Variants in IQANK1 observed in about 807,000 individuals in gnomAD.
IQANK1 encodes IQ motif and ankyrin repeat domain-containing protein 1.
In IQANK1, 30 loss-of-function variants were observed where a neutral mutation model predicts 22.6. The ratio of observed to expected loss-of-function variants is 1.33; its 90% CI spans 0.99 to 1.80. The LOEUF (loss-of-function observed/expected upper bound fraction) is 1.80, where lower values mean the gene tolerates loss of function less well. Ranked by LOEUF, IQANK1 falls within the 40% of genes most tolerant of loss-of-function variation. The pLI, the probability that IQANK1 is intolerant of heterozygous loss-of-function variation, is 0.00. For synonymous variants in IQANK1, 122 were observed against 99.6 expected, an observed-to-expected ratio of 1.23 and a Z score of -1.34; for missense variants, 275 against 235.2, an observed-to-expected ratio of 1.17 and a Z score of -1.11.
At chr8:143,766,413 G>A (rs1270843855) in intron 3 of IQANK1, among the ~76,000 whole-genome samples, 7 of 152,178 alleles carry the variant, frequency 4.6e-5, no homozygotes, top group African/African-American at 1.7e-4. Flanking sequence ...GCTCATGCCT[G>A]TAATCTCAGC....
chr8:143,786,335 C>T (rs565716647), intron 7 of IQANK1, among the ~76,000 whole-genome samples: 23 of 152,312 alleles, frequency 1.5e-4, no homozygotes, highest in South Asian at 1.4e-3. Flanking sequence ...CAACCTCACT[C>T]GGAGGCTACT....
intron 7 of IQANK1, among the ~76,000 whole-genome samples, chr8:143,775,250 A>G (rs1447114489): frequency 9.9e-5 from 15 of 152,102 alleles, no homozygotes; most frequent in Non-Finnish European, 1.5e-5. Context: ...TGTTAAGGGT[A>G]TATGGGAACT....
chr8:143,738,250 G>A (rs1313619608), intron 2 of IQANK1, among the ~76,000 whole-genome samples: 3 of 152,148 alleles, frequency 2.0e-5, no homozygotes, highest in African/African-American at 7.2e-5. Context: ...TGGATCCAGC[G>A]CCTCCTTCAC....
chr8:143,768,188 T>C (rs1554629393), intron 3 of IQANK1, among the ~76,000 whole-genome samples: 2 of 151,780 alleles, frequency 1.3e-5, no homozygotes, highest in East Asian at 3.9e-4. Flanking sequence ...CGGCTGAGGC[T>C]CTGTTTCTAA....
At chr8:143,761,652 C>T (rs548506773) in intron 3 of IQANK1, among the ~76,000 whole-genome samples, 3 of 152,228 alleles carry the variant, frequency 2.0e-5, no homozygotes, top group South Asian at 2.1e-4. Context: ...GTGCCAGCTA[C>T]TCCGGAGGCT....
At chr8:143,745,816 T>C (rs1554627151) in intron 3 of IQANK1, 3 of 152,184 alleles carry the variant, frequency 2.0e-5, no homozygotes, top group African/African-American at 7.2e-5. Context: ...AGTGCAGCGA[T>C]CATGGCTCAG....
chr8:143,751,483 G>A (rs1819186690), intron 3 of IQANK1, among the ~76,000 whole-genome samples: 1 of 150,936 alleles, frequency 6.6e-6, no homozygotes, highest in African/African-American at 2.4e-5. Flanking sequence ...GTGGTGGCAG[G>A]TGCCTGTAAT....
intron 1 of IQANK1, 71 bp downstream of exon 1, chr8:143,734,290 C>T (rs1480906245): frequency 1.3e-5 from 2 of 151,530 alleles, no homozygotes; most frequent in African/African-American, 4.9e-5. Context: ...ACAGGGGATC[C>T]CCTCACCACA....
chr8:143,790,079 C>T lies in IQANK1; in HGVS notation c.1289+15C>T. On this transcript the variant is annotated intron_variant, in intron 12 of 13. Coordinates refer to ENST00000527139, the MANE Select transcript of IQANK1 (RefSeq NM_001381874.1). ...GCCGATGGCCGGTCAGTTCTCCGGG[C>T]CAGACGTGGGCGATTTGGGGTTTGG... 8.1e-7 allele frequency: 1 copy of T among 1,232,106 alleles called. No homozygotes were observed. Among genetic ancestry groups the T allele is most frequent in the African/African-American group, 1.5e-5 (1 of 64,548 alleles). The allele number at this position is 1,232,106 out of a possible 1,614,324, so 76.3% of individuals were successfully genotyped here. A position where few individuals can be genotyped will look rare whatever the true frequency, so the allele number is the denominator to read the frequency against.
chr8:143,745,839 C>T (rs1433652441), intron 3 of IQANK1: 1 of 152,252 alleles, frequency 6.6e-6, no homozygotes, highest in African/African-American at 2.4e-5. Context: ...CAGCCTCAAA[C>T]TCTTGGGCTC....
intron 3 of IQANK1, among the ~76,000 whole-genome samples, chr8:143,754,373 G>A (rs1337159585): frequency 2.6e-5 from 4 of 152,154 alleles, no homozygotes; most frequent in East Asian, 3.9e-4. Context: ...CCTCTCCCAG[G>A]GCTAACGCCA....
At chr8:143,740,778 C>T (rs1277939596) in intron 3 of IQANK1, among the ~76,000 whole-genome samples, 1 of 152,240 alleles carries the variant, frequency 6.6e-6, no homozygotes, top group Non-Finnish European at 1.5e-5. Context: ...CGCCTGTGTA[C>T]CCCACCACCC....
At chr8:143,768,526 CTG>C (rs1265358798) in intron 3 of IQANK1, among the ~76,000 whole-genome samples, 7 of 152,152 alleles carry the variant, frequency 4.6e-5, no homozygotes, top group Non-Finnish European at 7.4e-5. Flanking sequence ...ACGTCGGTGG[CTG>C]TCAGCTGCAG....
intron 2 of IQANK1, among the ~76,000 whole-genome samples, chr8:143,737,363 C>T (rs1818770143): frequency 6.6e-6 from 1 of 152,220 alleles, no homozygotes; most frequent in Admixed American, 6.5e-5. Flanking sequence ...CCCAGCATGC[C>T]TGGGTCTGCT....
At chr8:143,777,533 A>C (rs553978954) in intron 7 of IQANK1, among the ~76,000 whole-genome samples, 94 of 151,138 alleles carry the variant, frequency 6.2e-4, no homozygotes, top group African/African-American at 2.0e-3. Flanking sequence ...AAAAAAAAAA[A>C]AAAAAACAAA....
intron 3 of IQANK1, among the ~76,000 whole-genome samples, chr8:143,743,292 C>T (rs570160998): frequency 6.6e-6 from 1 of 152,122 alleles, no homozygotes; most frequent in African/African-American, 2.4e-5. Flanking sequence ...AGGGGCTATT[C>T]CCAGGTGTAA....
intron 7 of IQANK1, among the ~76,000 whole-genome samples, chr8:143,783,151 T>A (rs1273598909): frequency 6.6e-6 from 1 of 152,258 alleles, no homozygotes; most frequent in Non-Finnish European, 1.5e-5. Context: ...TATGTGTCTC[T>A]TGGTACATAT....
chr8:143,779,179 G>C (rs1819747482), intron 7 of IQANK1, among the ~76,000 whole-genome samples: 1 of 152,044 alleles, frequency 6.6e-6, no homozygotes, highest in East Asian at 1.9e-4. Flanking sequence ...TCATTAATGT[G>C]CCCATTCCAC....
At chr8:143,776,151 C>T (rs1819679294) in intron 7 of IQANK1, among the ~76,000 whole-genome samples, 1 of 151,246 alleles carries the variant, frequency 6.6e-6, no homozygotes. Context: ...GAAACCCCGT[C>T]TCCACTAAAA....
Sources: allele counts gnomAD v4.1 joint callset (sites outside exome capture counted in the v4.1 genomes callset), GRCh38; gene constraint gnomAD v4.1.1; transcripts MANE v1.5; gene names NCBI Gene and HGNC (gene_info 2026-07-23, HGNC 2026-07-21).